PALLD: variants seen among roughly 807,000 people sequenced by gnomAD.
The protein encoded by PALLD is palladin, cytoskeletal associated protein, also known as palladin.
In PALLD, 61 loss-of-function variants were observed where a neutral mutation model predicts 123.5. The observed-to-expected ratio is 0.49, with a 90% confidence interval of 0.40 to 0.61. The LOEUF (loss-of-function observed/expected upper bound fraction) is 0.61, where lower values mean the gene tolerates loss of function less well. PALLD is among the 20% of genes least tolerant of loss of function. The pLI is 0.00. For missense variants in PALLD, 1,273 were observed against 1,377.0 expected (o/e 0.92, Z 1.20); for synonymous variants, 465 against 496.4 (o/e 0.94, Z 0.84).
intron 10 of PALLD, among the ~76,000 whole-genome samples, chr4:168,772,396 G>A (rs532740050): frequency 1.7e-4 from 26 of 152,174 alleles, no homozygotes; most frequent in Admixed American, 5.2e-4. Flanking sequence ...ACATGTATTT[G>A]CAAGTCTCTC....
At chr4:168,833,145 T>TCTGTCCC (rs1333947559) in intron 10 of PALLD, among the ~76,000 whole-genome samples, 10 of 152,046 alleles carry the variant, frequency 6.6e-5, no homozygotes, top group African/African-American at 2.4e-4. Context: ...TCCCGAATGG[T>TCTGTCCC]GAGTGGTCCA....
intron 10 of PALLD, among the ~76,000 whole-genome samples, chr4:168,871,576 A>G (rs1341832417): frequency 1.3e-5 from 2 of 152,236 alleles, no homozygotes; most frequent in Non-Finnish European, 2.9e-5. Flanking sequence ...GTCGGTATTA[A>G]TTCATTTTAA....
intron 10 of PALLD, among the ~76,000 whole-genome samples, chr4:168,754,656 G>A (rs568335970): frequency 4.9e-4 from 75 of 152,230 alleles, no homozygotes; most frequent in South Asian, 1.9e-3. Context: ...ACCGAGATAT[G>A]GAGTATCTCA....
At chr4:168,902,706 A>G (rs1756798255) in intron 14 of PALLD, among the ~76,000 whole-genome samples, 1 of 152,182 alleles carries the variant, frequency 6.6e-6, no homozygotes, top group Non-Finnish European at 1.5e-5. Context: ...TTTGTTTAAA[A>G]GTGAGGGAAG....
chr4:168,705,397 G>A (rs551389614), intron 8 of PALLD, among the ~76,000 whole-genome samples: 1 of 152,276 alleles, frequency 6.6e-6, no homozygotes, highest in South Asian at 2.1e-4. Context: ...TCTAGGAGCT[G>A]TTCATGGATG....
chr4:168,797,027 A>C (rs1002948636), intron 10 of PALLD, among the ~76,000 whole-genome samples: 2 of 152,182 alleles, frequency 1.3e-5, no homozygotes, highest in African/African-American at 2.4e-5. Flanking sequence ...TTTATTTCCC[A>C]AGAAACTCAC....
intron 10 of PALLD, among the ~76,000 whole-genome samples, chr4:168,742,540 T>A (rs1040811281): frequency 3.3e-5 from 5 of 152,324 alleles, no homozygotes; most frequent in Admixed American, 2.0e-4. Context: ...TGCCTGGTGC[T>A]TTGAGGACCT....
intron 2 of PALLD, among the ~76,000 whole-genome samples, chr4:168,640,421 C>T (rs1468424489): frequency 6.6e-6 from 1 of 152,172 alleles, no homozygotes. Flanking sequence ...CTTCTGGCCC[C>T]TCAAAGCACT....
chr4:168,750,652 G>A (rs1385234617), intron 10 of PALLD, among the ~76,000 whole-genome samples: 1 of 152,136 alleles, frequency 6.6e-6, no homozygotes, highest in African/African-American at 2.4e-5. Flanking sequence ...ATCAAAGATA[G>A]ATTTTTCTTC....
At chr4:168,675,892 T>TA (rs900643604) in intron 3 of PALLD, among the ~76,000 whole-genome samples, 2 of 151,684 alleles carry the variant, frequency 1.3e-5, no homozygotes, top group African/African-American at 4.8e-5. Flanking sequence ...CCCATCTCTA[T>TA]AAAAAATAAA....
chr4:168,903,304 G>A (rs993088890), intron 14 of PALLD, among the ~76,000 whole-genome samples: 5 of 151,604 alleles, frequency 3.3e-5, no homozygotes, highest in Non-Finnish European at 7.4e-5. Flanking sequence ...TAGAGTTTGG[G>A]GTCTGCTTTT....
chr4:168,775,333 T>C (rs143386892), intron 10 of PALLD, among the ~76,000 whole-genome samples: 252 of 152,350 alleles, frequency 1.7e-3, no homozygotes, highest in African/African-American at 5.7e-3. Context: ...TTGCCATCTG[T>C]ATATCTACCT....
chr4:168,559,996 T>C (rs574738348), intron 2 of PALLD, among the ~76,000 whole-genome samples: 9 of 152,216 alleles, frequency 5.9e-5, no homozygotes, highest in African/African-American at 2.2e-4. Context: ...AAAATAATAT[T>C]TGAGTTCATA....
At chr4:168,736,937 T>C (rs1347253113) in intron 10 of PALLD, among the ~76,000 whole-genome samples, 1 of 152,108 alleles carries the variant, frequency 6.6e-6, no homozygotes, top group Admixed American at 6.5e-5. Flanking sequence ...TATTCAAAGA[T>C]AGGAAACGAG....
chr4:168,690,911 C>T lies in PALLD; in HGVS notation c.1477+167C>T, dbSNP rs12500866. ...AATCCAGTAAATGGAAACTATGACC[C>T]CCTTGACACTCTAATGAAAGTCATA... On this transcript the variant is annotated intron_variant, in intron 7 of 21. Transcript: ENST00000505667. Among the ~76,000 whole-genome samples, 31,669 of 152,004 alleles carry T rather than the reference C, an allele frequency of 0.21. 3,644 individuals carry two copies. Among genetic ancestry groups the T allele is most frequent in the African/African-American group, 0.3 (12,467 of 41,452 alleles).
intron 10 of PALLD, among the ~76,000 whole-genome samples, chr4:168,759,021 A>C (rs1732301011): frequency 1.3e-5 from 2 of 149,116 alleles, no homozygotes; most frequent in Non-Finnish European, 3.0e-5. Flanking sequence ...CTAAAAATAC[A>C]AAAAAAAATT....
chr4:168,718,934 G>T (rs1785655859), intron 10 of PALLD, among the ~76,000 whole-genome samples: 1 of 141,004 alleles, frequency 7.1e-6, no homozygotes, highest in African/African-American at 2.6e-5. Flanking sequence ...TTGAGACGGA[G>T]TCTCGCTCTG....
Position 168,927,522 on chromosome 4 carries a change from G to T in PALLD, c.*1342G>T, listed in dbSNP as rs1762713151. 8.6e-6 allele frequency: 2 copies of T among 231,708 alleles called. No individual in the cohort carries two copies. The highest frequency in any genetic ancestry group is 1.2e-4 in the East Asian group (2 of 16,424). The allele number at this position is 231,708 out of a possible 1,614,324, so 14.4% of individuals were successfully genotyped here. A position where few individuals can be genotyped will look rare whatever the true frequency, so the allele number is the denominator to read the frequency against. ...TGCATGGTGGCATAAATGAGAAATT[G>T]CCTGTAGCATCTAGTCTACTTGAAG... On this transcript the variant is annotated 3_prime_UTR_variant, in exon 22 of 22. Coordinates refer to ENST00000505667, the MANE Select transcript of PALLD (RefSeq NM_001166108.2).
At chr4:168,789,736 G>T (rs190368594) in intron 10 of PALLD, among the ~76,000 whole-genome samples, 2 of 151,178 alleles carry the variant, frequency 1.3e-5, no homozygotes, top group Admixed American at 1.3e-4. Context: ...AAGTAATGCT[G>T]ATAACTTGAA....
Sources: gnomAD v4.1 joint callset for allele counts (sites outside exome capture counted in the v4.1 genomes callset) on GRCh38, gnomAD v4.1.1 for gene constraint, MANE v1.5 for transcripts, NCBI Gene and HGNC (gene_info 2026-07-23, HGNC 2026-07-21) for gene names.